The following FAM13A variants were observed in gnomAD, a reference collection of about 807,000 sequenced individuals.
FAM13A encodes the protein family with sequence similarity 13 member A.
FAM13A carries 76 observed loss-of-function variants against 129.6 expected under a neutral mutation model. That is an observed-to-expected ratio of 0.59 (90% CI 0.49 to 0.71). The LOEUF is 0.71. Among genes scored for constraint, FAM13A ranks in the 30% least tolerant of loss-of-function variants. The pLI is 0.00. For missense variants in FAM13A, 1,108 were observed against 1,249.3 expected (o/e 0.89, Z 1.70); for synonymous variants, 443 against 449.9 (o/e 0.98, Z 0.20).
At chr4:88,911,766 G>A (rs190970754) in intron 5 of FAM13A, among the ~76,000 whole-genome samples, 8 of 152,238 alleles carry the variant, frequency 5.3e-5, no homozygotes, top group African/African-American at 1.7e-4. Context: ...AGCATGCTCT[G>A]CAGTCATATC....
intron 3 of FAM13A, among the ~76,000 whole-genome samples, chr4:89,017,014 C>T (rs982080000): frequency 3.3e-5 from 5 of 152,162 alleles, no homozygotes; most frequent in Admixed American, 3.3e-4. Context: ...GTATTCAGTA[C>T]AGTAACATGC....
At chr4:88,934,203 T>C (rs745969639) in intron 5 of FAM13A, among the ~76,000 whole-genome samples, 10 of 152,206 alleles carry the variant, frequency 6.6e-5, no homozygotes, top group Non-Finnish European at 1.3e-4. Context: ...ATCCTCTACT[T>C]CTGCCTTTCC....
At chr4:89,046,289 T>G (rs1369734313) in intron 1 of FAM13A, among the ~76,000 whole-genome samples, 8 of 152,144 alleles carry the variant, frequency 5.3e-5, no homozygotes, top group Admixed American at 5.2e-4. Context: ...ATGAAAAACC[T>G]GGAACAGTTA....
At chr4:88,752,753 A>G (rs1742889293) in intron 14 of FAM13A, among the ~76,000 whole-genome samples, 1 of 152,214 alleles carries the variant, frequency 6.6e-6, no homozygotes, top group Non-Finnish European at 1.5e-5. Flanking sequence ...GGGGACTGGA[A>G]AGCAACCACT....
chr4:88,976,532 C>T lies in FAM13A; in HGVS notation c.605+14441G>A, dbSNP rs182913191. On this transcript the variant is annotated intron_variant, in intron 4 of 23. Transcript: ENST00000264344. ...AGTCATGTGCCACATGACATTTTGTCAACAACAAACCAAATATATGAGGGT... is the reference window on the plus strand; with the variant it reads ...AGTCATGTGCCACATGACATTTTGTTAACAACAAACCAAATATATGAGGGT... Among the ~76,000 whole-genome samples, 7 of 152,182 alleles carry T rather than the reference C, an allele frequency of 4.6e-5. No homozygotes were observed. The East Asian group carries it at 7.7e-4, about 17-fold the overall frequency.
chr4:88,753,618 C>T (rs1389877899), intron 14 of FAM13A: 1 of 930,464 alleles, frequency 1.1e-6, no homozygotes. Context: ...AAAATGCTTA[C>T]CTGATTCTCT....
chr4:88,834,458 C>CA (rs1201904239), intron 7 of FAM13A, among the ~76,000 whole-genome samples: 4 of 151,910 alleles, frequency 2.6e-5, no homozygotes, highest in African/African-American at 9.7e-5. Flanking sequence ...AGTGAATCCC[C>CA]AAAAAAGCAC....
chr4:88,830,859 T>A (rs570385151), intron 7 of FAM13A, among the ~76,000 whole-genome samples: 9 of 152,218 alleles, frequency 5.9e-5, no homozygotes, highest in African/African-American at 1.9e-4. Flanking sequence ...GCTCCAACAT[T>A]TCAAACACAG....
chr4:88,942,976 C>A (rs1257024445), intron 4 of FAM13A, among the ~76,000 whole-genome samples: 1 of 152,136 alleles, frequency 6.6e-6, no homozygotes, highest in Admixed American at 6.5e-5. Flanking sequence ...TCAAAATAAT[C>A]CCTGTGCCTC....
At chr4:88,827,896 GTGA>G (rs1733286801) in intron 7 of FAM13A, among the ~76,000 whole-genome samples, 2 of 152,238 alleles carry the variant, frequency 1.3e-5, no homozygotes, top group African/African-American at 4.8e-5. Flanking sequence ...TCCTTTTAAT[GTGA>G]TGATTAGAAC....
intron 3 of FAM13A, among the ~76,000 whole-genome samples, chr4:88,999,242 G>A (rs563181130): frequency 6.6e-6 from 1 of 152,238 alleles, no homozygotes; most frequent in Admixed American, 6.5e-5. Flanking sequence ...TTTATTTTGT[G>A]AGTATTTATT....
chr4:88,732,177 C>T lies in FAM13A; in HGVS notation c.2668G>A (p.Asp890Asn). The change falls in exon 22 of 24, where the codon GAC (aspartate) becomes AAC (asparagine). Residue 890 changes from aspartate to asparagine, a missense_variant. Physicochemically the swap from Asp to Asn is conservative, Grantham distance 23. Coordinates refer to ENST00000264344, the MANE Select transcript of FAM13A (RefSeq NM_014883.4). The stretch of plus-strand genomic sequence containing the variant: ...AAGTCTGGCTTCACATTGCTATCGT[C>T]TTCTGACCCCTCCTCTTCTTCCTGG... ...EIKEEEEGSE[D>N]DSNVKPDFMV... The T allele has an allele frequency of 6.2e-7, 1 of 1,609,594 alleles. No individual in the cohort carries two copies. The highest frequency in any genetic ancestry group is 8.5e-7 in the Non-Finnish European group (1 of 1,177,672).
At chr4:88,995,519 A>G (rs553049075) in intron 3 of FAM13A, among the ~76,000 whole-genome samples, 1 of 152,226 alleles carries the variant, frequency 6.6e-6, no homozygotes, top group African/African-American at 2.4e-5. Flanking sequence ...CCTGCCCTTG[A>G]ACATCAGACT....
chr4:89,015,777 A>G (rs1253012237), intron 3 of FAM13A, among the ~76,000 whole-genome samples: 1 of 152,192 alleles, frequency 6.6e-6, no homozygotes. Flanking sequence ...ATATATATAT[A>G]AAGTTAACTG....
chr4:88,745,717 G>A (rs1297762007), intron 19 of FAM13A, among the ~76,000 whole-genome samples: 1 of 152,116 alleles, frequency 6.6e-6, no homozygotes, highest in Non-Finnish European at 1.5e-5. Context: ...TTGAGCTCTA[G>A]AGCATTTACT....
intron 4 of FAM13A, among the ~76,000 whole-genome samples, chr4:88,943,306 A>C (rs1208910017): frequency 6.6e-6 from 1 of 152,236 alleles, no homozygotes; most frequent in Admixed American, 6.5e-5. Context: ...TGAGATGTTA[A>C]ATTATATGTG....
chr4:88,932,417 AGTTT>A (rs1288115253), intron 5 of FAM13A, among the ~76,000 whole-genome samples: 2 of 152,178 alleles, frequency 1.3e-5, no homozygotes, highest in African/African-American at 2.4e-5. Context: ...TCCTACACTG[AGTTT>A]GTTTGTTTCT....
At chr4:88,915,934 A>T (rs1420349619) in intron 5 of FAM13A, among the ~76,000 whole-genome samples, 5 of 152,152 alleles carry the variant, frequency 3.3e-5, no homozygotes, top group Middle Eastern at 6.8e-3. Flanking sequence ...CCTTTCCACC[A>T]TGAGTGGAAG....
chr4:88,918,548 T>C (rs934121307), intron 5 of FAM13A, among the ~76,000 whole-genome samples: 3 of 152,192 alleles, frequency 2.0e-5, no homozygotes, highest in Admixed American at 1.3e-4. Flanking sequence ...TCCTATTTAA[T>C]GAGATCAGGA....
Sources: gnomAD v4.1 joint callset for allele counts (sites outside exome capture counted in the v4.1 genomes callset) on GRCh38, gnomAD v4.1.1 for gene constraint, MANE v1.5 for transcripts, NCBI Gene and HGNC (gene_info 2026-07-23, HGNC 2026-07-21) for gene names.